Variants in RALGAPA2 observed in about 807,000 individuals in gnomAD.
The protein encoded by RALGAPA2 is Ral GTPase activating protein catalytic subunit alpha 2.
RALGAPA2 carries 139 observed loss-of-function variants against 230.4 expected under a neutral mutation model. That is an observed-to-expected ratio of 0.60 (90% CI 0.53 to 0.69). The LOEUF (loss-of-function observed/expected upper bound fraction) is 0.69, where lower values mean the gene tolerates loss of function less well. RALGAPA2 is among the 30% of genes least tolerant of loss of function. RALGAPA2 has a pLI of 0.00. For missense variants in RALGAPA2, 2,163 were observed against 2,276.0 expected, an observed-to-expected ratio of 0.95 and a Z score of 1.01; for synonymous variants, 847 against 837.8, an observed-to-expected ratio of 1.01 and a Z score of -0.19.
intron 37 of RALGAPA2, among the ~76,000 whole-genome samples, chr20:20,458,602 G>T (rs1193451872): frequency 2.3e-5 from 3 of 131,760 alleles, no homozygotes; most frequent in Non-Finnish European, 3.1e-5. Flanking sequence ...AGAAATATAT[G>T]AGCTGTACTA....
At chr20:20,568,873 T>C (rs989221955) in intron 23 of RALGAPA2, among the ~76,000 whole-genome samples, 1 of 152,226 alleles carries the variant, frequency 6.6e-6, no homozygotes, top group Non-Finnish European at 1.5e-5. Context: ...AACAATTATT[T>C]ATGATTATTT....
rs1331144343 is a variant in RALGAPA2 at position 20,390,767 on chromosome 20, T to C, written c.*2522A>G. 1 of 152,130 alleles carries C rather than the reference T, an allele frequency of 6.6e-6. No homozygotes were observed. Among genetic ancestry groups the C allele is most frequent in the African/African-American group, 2.4e-5 (1 of 41,408 alleles). The allele number at this position is 152,130 out of a possible 1,614,324, so 9.4% of individuals were successfully genotyped here. A position where few individuals can be genotyped will look rare whatever the true frequency, so the allele number is the denominator to read the frequency against. ...ACAAAAACAACTCCAGTCCACGTGA[T>C]CACGAGAAACGTGGCTGTCAGATTC... On this transcript the variant is annotated 3_prime_UTR_variant, in exon 40 of 40. Transcript: ENST00000202677.
intron 31 of RALGAPA2, among the ~76,000 whole-genome samples, chr20:20,515,496 A>G (rs1338406813): frequency 6.6e-6 from 1 of 152,192 alleles, no homozygotes; most frequent in Non-Finnish European, 1.5e-5. Flanking sequence ...AAAACTATAA[A>G]TCCTCAGAGT....
At chr20:20,459,175 A>T (rs1353786678) in intron 37 of RALGAPA2, among the ~76,000 whole-genome samples, 1 of 152,064 alleles carries the variant, frequency 6.6e-6, no homozygotes, top group Non-Finnish European at 1.5e-5. Flanking sequence ...AGATTATAAA[A>T]ATAAAGCAGC....
Position 20,437,992 on chromosome 20 carries a change from G to T in RALGAPA2, c.5496-25844C>A, listed in dbSNP as rs770046645. The stretch of plus-strand genomic sequence containing the variant: ...TGACTCCGTGGTTCTTATGAATCCC[G>T]CAAAGAGTGGTTCTTAATATGGGTC... On this transcript the variant is annotated intron_variant, in intron 37 of 39. Coordinates refer to ENST00000202677, the MANE Select transcript of RALGAPA2 (RefSeq NM_020343.4). This position sits in a 1 kb window ranked among gnomAD's most constrained non-coding sequence, Gnocchi z 4.1. 1.5e-4 allele frequency among the ~76,000 whole-genome samples: 23 copies of T among 151,886 alleles called. No individual in the cohort carries two copies. Among genetic ancestry groups the T allele is most frequent in the Non-Finnish European group, 3.1e-4 (21 of 68,038 alleles).
intron 33 of RALGAPA2, among the ~76,000 whole-genome samples, chr20:20,510,172 A>C (rs1478077377): frequency 3.3e-5 from 5 of 152,196 alleles, no homozygotes; most frequent in Admixed American, 3.3e-4. Flanking sequence ...TGTAAGTGCA[A>C]GCAGGAGAAG....
chr20:20,567,593 C>G (rs2064472984), intron 23 of RALGAPA2, among the ~76,000 whole-genome samples: 1 of 152,120 alleles, frequency 6.6e-6, no homozygotes, highest in African/African-American at 2.4e-5. Context: ...AGAAAACATA[C>G]CTGGTGGAAT....
chr20:20,659,009 AC>A (rs1320375224), intron 3 of RALGAPA2, among the ~76,000 whole-genome samples: 1 of 152,182 alleles, frequency 6.6e-6, no homozygotes, highest in Non-Finnish European at 1.5e-5. Context: ...GTGGGGAGCA[AC>A]CCTTCCCCAA....
At chr20:20,650,034 C>T (rs964423400) in intron 4 of RALGAPA2, among the ~76,000 whole-genome samples, 1 of 152,110 alleles carries the variant, frequency 6.6e-6, no homozygotes, top group African/African-American at 2.4e-5. Flanking sequence ...TATTAGTGTA[C>T]AATGCAGAGC....
At chr20:20,708,357 C>T (rs1021719203) in intron 1 of RALGAPA2, among the ~76,000 whole-genome samples, 1 of 152,176 alleles carries the variant, frequency 6.6e-6, no homozygotes, top group Non-Finnish European at 1.5e-5. Flanking sequence ...GTGTCCCCAT[C>T]CAAATCTCAC....
chr20:20,654,051 C>T (rs774712667), intron 3 of RALGAPA2, among the ~76,000 whole-genome samples: 18 of 151,880 alleles, frequency 1.2e-4, no homozygotes, highest in Non-Finnish European at 2.6e-4. Flanking sequence ...CTCAGTGAGA[C>T]AAGAAAATGA....
chr20:20,707,654 T>C (rs1316098124), intron 1 of RALGAPA2, among the ~76,000 whole-genome samples: 1 of 152,148 alleles, frequency 6.6e-6, no homozygotes, highest in East Asian at 1.9e-4. Flanking sequence ...TCTGTTTGTA[T>C]ATACAGCATT....
intron 37 of RALGAPA2, 76 bp from the exon 38 acceptor site, chr20:20,412,224 C>T (rs866541661): frequency 8.3e-6 from 13 of 1,566,378 alleles, no homozygotes; most frequent in South Asian, 2.3e-5. Context: ...ACTTTTAATA[C>T]CGTTGTGCAA....
intron 36 of RALGAPA2, among the ~76,000 whole-genome samples, chr20:20,481,198 AG>A (rs1435424190): frequency 6.6e-6 from 1 of 152,256 alleles, no homozygotes; most frequent in African/African-American, 2.4e-5. Context: ...TGCCAGCACA[AG>A]GAAGTGCCCA....
intron 37 of RALGAPA2, among the ~76,000 whole-genome samples, chr20:20,430,211 G>C (rs1286357446): frequency 6.6e-6 from 1 of 152,228 alleles, no homozygotes; most frequent in Non-Finnish European, 1.5e-5. Context: ...AGTGGCACCC[G>C]GTCAGTGGAA....
intron 25 of RALGAPA2, among the ~76,000 whole-genome samples, chr20:20,536,025 G>C (rs930891296): frequency 5.3e-5 from 8 of 152,206 alleles, no homozygotes; most frequent in African/African-American, 1.9e-4. Context: ...CATTCAGCCC[G>C]CGGGAGTAGA....
At chr20:20,659,181 T>C (rs1470409180) in intron 3 of RALGAPA2, among the ~76,000 whole-genome samples, 3 of 152,192 alleles carry the variant, frequency 2.0e-5, no homozygotes, top group African/African-American at 7.2e-5. Context: ...AAAGAAAACA[T>C]TCTGTGAATG....
At chr20:20,475,446 A>G (rs2061629805) in intron 36 of RALGAPA2, among the ~76,000 whole-genome samples, 4 of 152,208 alleles carry the variant, frequency 2.6e-5, no homozygotes, top group African/African-American at 9.7e-5. Flanking sequence ...TGCAATGTGC[A>G]AAAATCCACA....
At position 20,552,639 on chromosome 20, in the gene RALGAPA2, T is replaced by C. The variant is rs189217693; in HGVS notation, c.3157-5807A>G. 2.0e-5 allele frequency among the ~76,000 whole-genome samples: 3 copies of C among 152,286 alleles called. No homozygotes were observed. The East Asian group carries it at 5.8e-4, about 29-fold the overall frequency. On this transcript the variant is annotated intron_variant, in intron 23 of 39. Coordinates refer to ENST00000202677, the MANE Select transcript of RALGAPA2 (RefSeq NM_020343.4). ...TGCAGAGGAATACATTCATACTATATATGAATATAATTTAAACTTTAACAA... is the reference window on the plus strand; with the variant it reads ...TGCAGAGGAATACATTCATACTATACATGAATATAATTTAAACTTTAACAA...
Sources: allele counts gnomAD v4.1 joint callset (sites outside exome capture counted in the v4.1 genomes callset), GRCh38; gene constraint gnomAD v4.1.1; non-coding constraint Gnocchi (gnomAD v3.1); transcripts MANE v1.5; gene names NCBI Gene and HGNC (gene_info 2026-07-23, HGNC 2026-07-21).